GTF2IRD2B: variants seen among roughly 807,000 people sequenced by gnomAD.
GTF2IRD2B encodes GTF2I repeat domain containing 2B, also known as general transcription factor II-I repeat domain-containing protein 2B.
In GTF2IRD2B, 10 loss-of-function variants were observed where a neutral mutation model predicts 55.6. That is an observed-to-expected ratio of 0.18 (90% CI 0.11 to 0.31). The LOEUF is 0.31. Among genes scored for constraint, GTF2IRD2B ranks in the 10% least tolerant of loss-of-function variants. GTF2IRD2B has a pLI of 1.00. For missense variants in GTF2IRD2B, 206 were observed against 802.7 expected, an observed-to-expected ratio of 0.26 and a Z score of 8.98; for synonymous variants, 107 against 320.5, an observed-to-expected ratio of 0.33 and a Z score of 7.12.
intron 1 of GTF2IRD2B, among the ~76,000 whole-genome samples, chr7:75,096,549 G>A (rs1279509626): frequency 2.0e-5 from 2 of 97,962 alleles, no homozygotes; most frequent in Non-Finnish European, 3.8e-5. Flanking sequence ...TCAGCCTCCC[G>A]AGTAGCTGGG....
chr7:75,130,594 C>T (rs587691141), intron 8 of GTF2IRD2B, among the ~76,000 whole-genome samples: 162 of 152,026 alleles, frequency 1.1e-3, no homozygotes, highest in Non-Finnish European at 2.1e-3. Context: ...TCTCCTGCTT[C>T]AGCCTTCTGA....
intron 10 of GTF2IRD2B, among the ~76,000 whole-genome samples, chr7:75,135,409 C>A (rs1437788059): frequency 4.0e-5 from 6 of 151,620 alleles, no homozygotes; most frequent in Non-Finnish European, 7.4e-5. Flanking sequence ...GCTGGGATTA[C>A]AGGCGTAAGC....
chr7:75,127,017 AC>A (rs1459593786), intron 8 of GTF2IRD2B, among the ~76,000 whole-genome samples: 13 of 87,458 alleles, frequency 1.5e-4, no homozygotes, highest in East Asian at 1.5e-3. Context: ...AAAAACAAAA[AC>A]AAAAACAAAA....
At chr7:75,132,587 G>A (rs1475968843) in intron 8 of GTF2IRD2B, among the ~76,000 whole-genome samples, 2 of 89,064 alleles carry the variant, frequency 2.2e-5, no homozygotes, top group Admixed American at 1.8e-4. Flanking sequence ...ATGGAGTCTC[G>A]CTTTGTCAAC....
intron 4 of GTF2IRD2B, 44 bp from the exon 5 acceptor site, chr7:75,123,092 A>T: frequency 6.4e-7 from 1 of 1,557,822 alleles, no homozygotes. Context: ...AACTGGTAGA[A>T]CGTTAGGTTC....
chr7:75,114,239 T>C (rs1808068580), intron 3 of GTF2IRD2B, among the ~76,000 whole-genome samples: 1 of 151,412 alleles, frequency 6.6e-6, no homozygotes, highest in South Asian at 2.1e-4. Context: ...ATACAGTATG[T>C]AACTGATACA....
chr7:75,148,421 A>G lies in GTF2IRD2B; in HGVS notation c.1974A>G (p.Glu658=). ...CCATCTGTTGTATAATTCATCCGGA[A>G]TCACTCTGTGCTCAGAAGTTGAAGA... The part of the protein sequence containing the change: ...LKSICCIIHP[E]SLCAQKLKMD... The change falls in exon 16 of 16, where the codon GAA becomes GAG. Residue 658 remains glutamate, a synonymous_variant. Coordinates refer to ENST00000472837, the MANE Select transcript of GTF2IRD2B (RefSeq NM_001003795.3). 1 of 1,611,710 alleles carries G rather than the reference A, an allele frequency of 6.2e-7. No homozygotes were observed. Among genetic ancestry groups the G allele is most frequent in the East Asian group, 2.2e-5 (1 of 44,780 alleles).
At chr7:75,140,550 TGAGA>T (rs1808982725) in intron 12 of GTF2IRD2B, among the ~76,000 whole-genome samples, 1 of 38,998 alleles carries the variant, frequency 2.6e-5, no homozygotes, top group Non-Finnish European at 7.8e-5. Context: ...TTTTTTTTTT[TGAGA>T]CGGAGTCTTG....
At chr7:75,093,662 T>A (rs1301901139) in intron 1 of GTF2IRD2B, among the ~76,000 whole-genome samples, 1 of 152,238 alleles carries the variant, frequency 6.6e-6, no homozygotes, top group African/African-American at 2.4e-5. Flanking sequence ...CCAAGAAGTT[T>A]TTTGTGTGTC....
chr7:75,099,734 C>T (rs587660097), intron 1 of GTF2IRD2B, among the ~76,000 whole-genome samples: 23 of 83,212 alleles, frequency 2.8e-4, no homozygotes, highest in African/African-American at 9.2e-4. Flanking sequence ...GAGACTCCGT[C>T]TCAAAATAAA....
chr7:75,124,060 C>A (rs1458696168), intron 6 of GTF2IRD2B, among the ~76,000 whole-genome samples: 5 of 148,782 alleles, frequency 3.4e-5, no homozygotes, highest in Admixed American at 6.8e-5. Flanking sequence ...AAGAAAAATA[C>A]ATTTGTAGCT....
Position 75,149,512 on chromosome 7 carries a change from C to T in GTF2IRD2B, c.*215C>T, listed in dbSNP as rs1197908632. 2.5e-5 allele frequency: 14 copies of T among 557,378 alleles called. No individual in the cohort carries two copies. Among genetic ancestry groups the T allele is most frequent in the Non-Finnish European group, 6.4e-6 (2 of 311,316 alleles). 34.5% of individuals were successfully genotyped at this position (557,378 alleles called of 1,614,324 possible). A position where few individuals can be genotyped will look rare whatever the true frequency, so the allele number is the denominator to read the frequency against. ...TCTCCTGCCTCAGCCTCCCGAGCAG[C>T]TGGGACTACAGGCATGCGCCACCAT... On this transcript the variant is annotated 3_prime_UTR_variant, in exon 16 of 16. Transcript: ENST00000472837.
At chr7:75,109,148 T>A in intron 2 of GTF2IRD2B, 85 bp downstream of exon 2, 1 of 681,626 alleles carries the variant, frequency 1.5e-6, no homozygotes, top group African/African-American at 1.4e-5. Flanking sequence ...AGTATGCCTT[T>A]TGTTTTTTTT....
In GTF2IRD2B at chr7:75,126,401, CT is replaced by C; in HGVS notation, c.670+20del. 2.3e-6 allele frequency: 1 copy of C among 438,892 alleles called. No individual in the cohort carries two copies. The highest frequency in any genetic ancestry group is 4.5e-6 in the Non-Finnish European group (1 of 224,226). The allele number at this position is 438,892 out of a possible 1,614,324, so 27.2% of individuals were successfully genotyped here. A position where few individuals can be genotyped will look rare whatever the true frequency, so the allele number is the denominator to read the frequency against. ...GAAGATTCTGGTGGGTACCAAGATG[CT>C]TTTAGAATCAAGTATCGGCCAAGCG... On this transcript the variant is annotated intron_variant, in intron 8 of 15. Coordinates refer to ENST00000472837, the MANE Select transcript of GTF2IRD2B (RefSeq NM_001003795.3).
Position 75,119,657 on chromosome 7 carries a change from A to G in GTF2IRD2B, c.239-1234A>G, listed in dbSNP as rs1375901793. Among the ~76,000 whole-genome samples, 17 of 147,128 alleles carry G rather than the reference A, an allele frequency of 1.2e-4. 1 individual carries two copies. The highest frequency in any genetic ancestry group is 1.4e-4 in the Admixed American group (2 of 14,558). ...TGACAGAGTGAGACTCTGTCTCAAA[A>G]CAAACAAACAAAAACATGGTCATAG... On this transcript the variant is annotated intron_variant, in intron 3 of 15. Coordinates refer to ENST00000472837, the MANE Select transcript of GTF2IRD2B (RefSeq NM_001003795.3).
At chr7:75,127,085 T>G (rs1808543066) in intron 8 of GTF2IRD2B, among the ~76,000 whole-genome samples, 1 of 150,318 alleles carries the variant, frequency 6.7e-6, no homozygotes, top group Non-Finnish European at 1.5e-5. Context: ...CTTTCTTTTG[T>G]TTTATCAAAT....
At position 75,136,116 on chromosome 7, in the gene GTF2IRD2B, G is replaced by A. The variant is rs1440992029; in HGVS notation, c.806-669G>A. On this transcript the variant is annotated intron_variant, in intron 10 of 15. Coordinates refer to ENST00000472837, the MANE Select transcript of GTF2IRD2B (RefSeq NM_001003795.3). ...AAATCGCACCATTCCACTCCAGCCT[G>A]GGTGACAGAGTGAGACTGTCTCAAT... 4.6e-5 allele frequency among the ~76,000 whole-genome samples: 5 copies of A among 109,216 alleles called. 1 individual carries two copies. The highest frequency in any genetic ancestry group is 2.3e-4 in the African/African-American group (5 of 21,506). 71.6% of individuals were successfully genotyped at this position (109,216 alleles called of 152,430 possible). A position where few individuals can be genotyped will look rare whatever the true frequency, so the allele number is the denominator to read the frequency against.
chr7:75,107,082 G>C (rs1335174427), intron 1 of GTF2IRD2B, among the ~76,000 whole-genome samples: 2 of 151,760 alleles, frequency 1.3e-5, no homozygotes, highest in South Asian at 2.1e-4. Context: ...CTATGTGTAA[G>C]TGAAATAGTG....
intron 15 of GTF2IRD2B, chr7:75,146,642 T>C (rs1554454319): frequency 6.9e-5 from 3 of 43,580 alleles, no homozygotes; most frequent in Non-Finnish European, 1.4e-4. Flanking sequence ...CAGAGAACCA[T>C]AATTGCAATA....
Sources: allele counts gnomAD v4.1 joint callset (sites outside exome capture counted in the v4.1 genomes callset), GRCh38; gene constraint gnomAD v4.1.1; transcripts MANE v1.5; gene names NCBI Gene and HGNC (gene_info 2026-07-23, HGNC 2026-07-21).